Variants in MYO10 observed in about 807,000 individuals in gnomAD.
MYO10 encodes the protein unconventional myosin-X.
A neutral mutation model predicts 257.3 loss-of-function variants in MYO10; 133 were observed. The ratio of observed to expected loss-of-function variants is 0.52; its 90% CI spans 0.45 to 0.60. The LOEUF is 0.60. Ranked by LOEUF, MYO10 falls within the 20% of genes least tolerant of loss-of-function variation. MYO10 has a pLI of 0.00. For missense variants in MYO10, 2,399 were observed against 2,635.7 expected (o/e 0.91, Z 1.97); for synonymous variants, 1,104 against 1,028.6 (o/e 1.07, Z -1.40).
In MYO10 at chr5:16,701,110, G is replaced by A; in HGVS notation, c.3285C>T (p.Asp1095=). 1 of 1,591,594 alleles carries A rather than the reference G, an allele frequency of 6.3e-7. No homozygotes were observed. The highest frequency in any genetic ancestry group is 8.6e-7 in the Non-Finnish European group (1 of 1,169,520). ...CGGAAGTGATGGCACCGTCCTCATA[G>A]TCATCCTGGTCGTAGTCGTAGTCGC... is the stretch of plus-strand genomic sequence containing the variant. ...PDGDYDYDQD[D]YEDGAITSGS... is the part of the protein sequence containing the mutation. Residue 1095 remains aspartate, a synonymous_variant, in exon 25 of 41, where the codon GAC becomes GAT. Coordinates refer to ENST00000513610, the MANE Select transcript of MYO10 (RefSeq NM_012334.3). This position sits in a 1 kb window ranked among gnomAD's most constrained non-coding sequence, Gnocchi z 8.1.
intron 1 of MYO10, among the ~76,000 whole-genome samples, chr5:16,901,732 G>T (rs1745383988): frequency 6.6e-6 from 1 of 152,128 alleles, no homozygotes. Flanking sequence ...TGAGTACCAG[G>T]CACCTGATTC....
chr5:16,779,492 T>A, intron 9 of MYO10, 53 bp downstream of exon 9: 2 of 1,067,002 alleles, frequency 1.9e-6, no homozygotes, highest in Non-Finnish European at 2.7e-6. Context: ...AATCTGTTAC[T>A]CTTAATAAGG....
chr5:16,812,391 G>A (rs930407861), intron 3 of MYO10, among the ~76,000 whole-genome samples: 4 of 152,168 alleles, frequency 2.6e-5, no homozygotes, highest in South Asian at 2.1e-4. Context: ...AACTCGGTAC[G>A]GCCTCTGTCC....
intron 1 of MYO10, among the ~76,000 whole-genome samples, chr5:16,907,292 C>G (rs1745544384): frequency 6.6e-6 from 1 of 152,054 alleles, no homozygotes; most frequent in South Asian, 2.1e-4. Flanking sequence ...TTCCAGGGCA[C>G]ACGCTCTTGT....
chr5:16,887,865 T>C (rs956048133), intron 1 of MYO10, among the ~76,000 whole-genome samples: 13 of 152,148 alleles, frequency 8.5e-5, no homozygotes, highest in African/African-American at 3.1e-4. Context: ...AGTTAATCTT[T>C]TAAACTACAG....
At chr5:16,772,258 G>A (rs762092837) in intron 9 of MYO10, among the ~76,000 whole-genome samples, 18 of 151,512 alleles carry the variant, frequency 1.2e-4, no homozygotes, top group Non-Finnish European at 2.5e-4. Flanking sequence ...TCAGCCTCCC[G>A]AGTAGCTGGG....
intron 1 of MYO10, among the ~76,000 whole-genome samples, chr5:16,894,812 G>C (rs944872164): frequency 6.6e-6 from 1 of 152,166 alleles, no homozygotes; most frequent in Non-Finnish European, 1.5e-5. Flanking sequence ...GACTGCTGAG[G>C]GATGAATAGG....
At chr5:16,675,974 T>A in intron 34 of MYO10, 57 bp downstream of exon 34, 9 of 1,546,012 alleles carry the variant, frequency 5.8e-6, no homozygotes, top group Non-Finnish European at 7.9e-6. Context: ...GCTAAAGAGT[T>A]AGCAGGGCAA....
In MYO10 at chr5:16,820,977, ATATAT is replaced by A. The variant is rs201493112; in HGVS notation, c.121-2815_121-2811del. Among the ~76,000 whole-genome samples the A allele has an allele frequency of 9.7e-4, 143 of 147,636 alleles. No individual in the cohort carries two copies. In the East Asian group the frequency reaches 0.019, roughly 20 times the overall value. On this transcript the variant is annotated intron_variant, in intron 2 of 40. Transcript: ENST00000513610. ...CATCTATACATATAAAACATCTTATATATATTATATAAGATCTTATATCTTAAGAT... is the reference window on the plus strand; with the variant it reads ...CATCTATACATATAAAACATCTTATATATATAAGATCTTATATCTTAAGAT...
At chr5:16,752,365 C>T (rs1164307801) in intron 19 of MYO10, among the ~76,000 whole-genome samples, 1 of 152,130 alleles carries the variant, frequency 6.6e-6, no homozygotes, top group Non-Finnish European at 1.5e-5. Context: ...TCACTGCAGC[C>T]TCCGCCTCCC....
At chr5:16,757,316 GCA>G (rs1183703448) in intron 18 of MYO10, among the ~76,000 whole-genome samples, 9 of 80,992 alleles carry the variant, frequency 1.1e-4, no homozygotes, top group Non-Finnish European at 2.4e-4. Context: ...ACACACACAC[GCA>G]CACACACACA....
chr5:16,902,536 T>C (rs1745410696), intron 1 of MYO10: 5 of 1,583,640 alleles, frequency 3.2e-6, no homozygotes, highest in Non-Finnish European at 3.4e-6. Context: ...AATTTCTTGA[T>C]GGCCTTGTCC....
chr5:16,685,867 C>A (rs748834492), intron 28 of MYO10, 36 bp from the exon 29 acceptor site: 31 of 1,511,972 alleles, frequency 2.1e-5, no homozygotes, highest in Non-Finnish European at 9.0e-7. Context: ...AAGGAGAGGC[C>A]AACCTCGTAC....
chr5:16,741,775 A>G, intron 19 of MYO10: 2 of 981,896 alleles, frequency 2.0e-6, no homozygotes, highest in Non-Finnish European at 2.4e-6. Flanking sequence ...GAAACTTTTA[A>G]GCAGAACAAG....
chr5:16,663,356 TTTTTTTTTTTTA>T lies in MYO10; in HGVS notation c.*3324_*3335del, dbSNP rs1167137984. The stretch of plus-strand genomic sequence containing the variant: ...TTTTTTTTTTTTTTTTTTTTTTTTT[TTTTTTTTTTTTA>T]CAAATCACCTATATGTATTAGCTTT... On this transcript the variant is annotated 3_prime_UTR_variant, in exon 41 of 41. Transcript: ENST00000513610. The T allele has an allele frequency of 2.0e-4, 17 of 84,770 alleles. No individual in the cohort carries two copies. The highest frequency in any genetic ancestry group is 4.5e-4 in the Admixed American group (3 of 6,740). The allele number at this position is 84,770 out of a possible 1,614,324, so 5.3% of individuals were successfully genotyped here.
chr5:16,839,645 A>C (rs1418963325), intron 2 of MYO10, among the ~76,000 whole-genome samples: 1 of 152,292 alleles, frequency 6.6e-6, no homozygotes, highest in East Asian at 1.9e-4. Context: ...CAAGAGGCTA[A>C]GGGGAAGATC....
chr5:16,850,780 T>C (rs1043093719), intron 2 of MYO10, among the ~76,000 whole-genome samples: 1 of 110,538 alleles, frequency 9.0e-6, no homozygotes, highest in Non-Finnish European at 1.7e-5. Context: ...TCCTGCAGAG[T>C]AAAATGGCTT....
At position 16,671,449 on chromosome 5, in the gene MYO10, A is replaced by G. The variant is rs750170919; in HGVS notation, c.5403T>C (p.Ser1801=). Residue 1801 remains serine, a synonymous_variant, in exon 38 of 41, where the codon AGT becomes AGC. Coordinates refer to ENST00000513610, the MANE Select transcript of MYO10 (RefSeq NM_012334.3). The part of the protein sequence containing the change: ...FLDTDNVPKD[S]VEFAFMFEQA... The stretch of plus-strand genomic sequence containing the variant: ...GTTCAAACATAAATGCAAACTCCAC[A>G]CTGTCTTTTGGCACGTTGTCTGTGT... 13 of 1,613,970 alleles carry G rather than the reference A, an allele frequency of 8.1e-6. No individual in the cohort carries two copies. Among genetic ancestry groups the G allele is most frequent in the Non-Finnish European group, 1.1e-5 (13 of 1,179,872 alleles).
intron 39 of MYO10, among the ~76,000 whole-genome samples, chr5:16,670,062 TA>T (rs1025091316): frequency 5.9e-5 from 9 of 152,190 alleles, no homozygotes; most frequent in African/African-American, 1.7e-4. Context: ...GCGGTCTACT[TA>T]AAACAAAACA....
Sources: gnomAD v4.1 joint callset for allele counts (sites outside exome capture counted in the v4.1 genomes callset) on GRCh38, gnomAD v4.1.1 for gene constraint, Gnocchi (gnomAD v3.1) non-coding constraint, MANE v1.5 for transcripts, NCBI Gene and HGNC (gene_info 2026-07-23, HGNC 2026-07-21) for gene names.